GAS2L2: variants seen among roughly 807,000 people sequenced by gnomAD.
GAS2L2 encodes the protein GAS2-like protein 2.
In GAS2L2, 21 loss-of-function variants were observed where a neutral mutation model predicts 35.2. The ratio of observed to expected loss-of-function variants is 0.60; its 90% confidence interval spans 0.42 to 0.86. GAS2L2 has a LOEUF of 0.86. Ranked by LOEUF, GAS2L2 falls within the 40% of genes least tolerant of loss-of-function variation. GAS2L2 has a pLI of 0.00. For synonymous variants in GAS2L2, 490 were observed against 473.2 expected (o/e 1.04, Z -0.46); for missense variants, 1,169 against 1,144.4 (o/e 1.02, Z -0.31).
chr17:35,750,494 G>C (rs2085697532), intron 1 of GAS2L2, among the ~76,000 whole-genome samples, 176 bp from the exon 2 acceptor site: 1 of 152,154 alleles, frequency 6.6e-6, no homozygotes, highest in Non-Finnish European at 1.5e-5. Context: ...CCCCTAGGAG[G>C]GGTCTGGGCG....
chr17:35,745,274 A>G lies in GAS2L2; in HGVS notation c.2223T>C (p.Pro741=). The G allele has an allele frequency of 6.2e-7, 1 of 1,610,976 alleles. No homozygotes were observed. The highest frequency in any genetic ancestry group is 2.2e-5 in the East Asian group (1 of 44,792). ...TVSASPEAPT[P]SPLDPNSDKA... ...TGTCAGAGTTGGGGTCCAAGGGCGA[A>G]GGTGTGGGGGCCTCCGGGCTGGCAG... The change falls in exon 6 of 6, where the codon CCT becomes CCC. Residue 741 remains proline (P), a synonymous_variant. Coordinates refer to ENST00000604641, the MANE Select transcript of GAS2L2 (RefSeq NM_139285.4).
Position 35,747,856 on chromosome 17 carries a change from T to C in GAS2L2, c.825A>G (p.Thr275=). The C allele has an allele frequency of 1.9e-6, 3 of 1,613,674 alleles. No homozygotes were observed. Among genetic ancestry groups the C allele is most frequent in the East Asian group, 2.2e-5 (1 of 44,866 alleles). The part of the protein sequence containing the change: ...YLDKHDPCRC[T]SLSHKPGSFL... ...GGCCCTCAGGGGACTCACAGAGGGA[T>C]GTGCAGCGGCAGGGGTCATGTTTGT... Residue 275 remains threonine, a synonymous_variant, in exon 4 of 6, where the codon ACA becomes ACG. Transcript: ENST00000604641.
intron 4 of GAS2L2, among the ~76,000 whole-genome samples, chr17:35,747,560 G>A (rs921411247): frequency 1.3e-5 from 2 of 152,180 alleles, no homozygotes; most frequent in Non-Finnish European, 2.9e-5. Context: ...GACCCTCCAA[G>A]TCACACTTGG....
rs1555599590 is a variant in GAS2L2 at position 35,750,201 on chromosome 17, A to G, written c.503T>C (p.Leu168Pro). The change falls in exon 2 of 6, where the codon CTC (leucine) becomes CCC (proline). Residue 168 changes from leucine to proline, a missense_variant. Leu to Pro is a moderately conservative substitution (Grantham distance 98). Coordinates refer to ENST00000604641, the MANE Select transcript of GAS2L2 (RefSeq NM_139285.4). ...AWRFGVAAPTLVQLEEEIEEE... is the reference protein window; with the variant it reads ...AWRFGVAAPTPVQLEEEIEEE... ...CTCGATCTCCTCCTCCAGCTGCACGAGTGTGGGCGCCGCAACACCAAAGCG... is the reference window on the plus strand; with the variant it reads ...CTCGATCTCCTCCTCCAGCTGCACGGGTGTGGGCGCCGCAACACCAAAGCG... The G allele has an allele frequency of 6.2e-7, 1 of 1,613,462 alleles. No homozygotes were observed. Among genetic ancestry groups the G allele is most frequent in the East Asian group, 2.2e-5 (1 of 44,848 alleles).
At chr17:35,749,317 G>C (rs1772186727) in intron 2 of GAS2L2, 100 bp from the exon 3 acceptor site, 1 of 686,484 alleles carries the variant, frequency 1.5e-6, no homozygotes, top group Non-Finnish European at 2.5e-6. Flanking sequence ...TTCTGCTGAG[G>C]TCAGAGCTGG....
At position 35,746,201 on chromosome 17, in the gene GAS2L2, G is replaced by C. The variant is rs111357398; in HGVS notation, c.1296C>G (p.Ala432=). The C allele has an allele frequency of 6.7e-7, 1 of 1,481,518 alleles. No homozygotes were observed. The highest frequency in any genetic ancestry group is 2.3e-5 in the Admixed American group (1 of 42,730). 91.8% of individuals were successfully genotyped at this position (1,481,518 alleles called of 1,614,324 possible). A position where few individuals can be genotyped will look rare whatever the true frequency, so the allele number is the denominator to read the frequency against. ...HEETDSWGTD[A]GNPTPQRLRA... is the part of the protein sequence containing the mutation. ...GGAGTCTTTGTGGGGTGGGGTTCCC[G>C]GCGTCGGTTCCCCAGCTGTCTGTTT... Residue 432 remains alanine (A), a synonymous_variant, in exon 6 of 6, where the codon GCC becomes GCG. Transcript: ENST00000604641.
Position 35,745,689 on chromosome 17 carries a change from C to T in GAS2L2, c.1808G>A (p.Ser603Asn), listed in dbSNP as rs2085661294. The stretch of plus-strand genomic sequence containing the variant: ...GTTGCCCAAAATCTCCTCTTCAAGG[C>T]TACAGTAGATGGCTTGCTCCTTGTT... ...GGNKEQAIYC[S>N]LEEEILGNMK... Residue 603 changes from serine to asparagine, a missense_variant, in exon 6 of 6, where the codon AGC becomes AAC. By Grantham distance (46) the Ser-to-Asn change is conservative. Coordinates refer to ENST00000604641, the MANE Select transcript of GAS2L2 (RefSeq NM_139285.4). 2 of 1,613,998 alleles carry T rather than the reference C, an allele frequency of 1.2e-6. No individual in the cohort carries two copies. Among genetic ancestry groups the T allele is most frequent in the African/African-American group, 1.3e-5 (1 of 75,054 alleles).
chr17:35,748,009 G>T, intron 3 of GAS2L2, 64 bp from the exon 4 acceptor site: 1 of 1,254,108 alleles, frequency 8.0e-7, no homozygotes, highest in Non-Finnish European at 1.2e-6. Context: ...GGACCAGCTC[G>T]CGGGCTTCCG....
rs2085687275 is a variant in GAS2L2, at chr17:35,749,100, C to G, written c.735+10G>C. 6.3e-7 allele frequency: 1 copy of G among 1,595,010 alleles called. No homozygotes were observed. On this transcript the variant is annotated intron_variant, in intron 3 of 5. Coordinates refer to ENST00000604641, the MANE Select transcript of GAS2L2 (RefSeq NM_139285.4). ...TTCTGGGGGTCCCTTGACCCCCAGC[C>G]TGGACTTACCCGGATGAAGATGAGG...
At position 35,745,434 on chromosome 17, in the gene GAS2L2, C is replaced by T. The variant is rs2085658945; in HGVS notation, c.2063G>A (p.Gly688Glu). The change falls in exon 6 of 6, where the codon GGA (glycine) becomes GAA (glutamate). Residue 688 changes from glycine to glutamate, a missense_variant. This residue lies in a region of GAS2L2 where 1,035 missense variants were observed against 976.5 expected (regional missense o/e 1.06). Coordinates refer to ENST00000604641, the MANE Select transcript of GAS2L2 (RefSeq NM_139285.4). ...TGSPKPAVTP[G>E]PGSLKGKLGA... ...CAACTTCCCTTTGAGGCTTCCCGGT[C>T]CTGGGGTAACAGCTGGCTTAGGGGA... 3 of 1,576,274 alleles carry T rather than the reference C, an allele frequency of 1.9e-6. No homozygotes were observed. The highest frequency in any genetic ancestry group is 2.6e-6 in the Non-Finnish European group (3 of 1,160,216).
Position 35,747,196 on chromosome 17 carries a change from G to T in GAS2L2, c.905C>A (p.Pro302His). The T allele has an allele frequency of 1.2e-6, 2 of 1,614,038 alleles. No individual in the cohort carries two copies. Among genetic ancestry groups the T allele is most frequent in the South Asian group, 1.1e-5 (1 of 91,078 alleles). ...VQHEVRVQDG[P>H]SQTQPTMTIS... ...GGTCATTGTAGGCTGGGTCTGTGAG[G>T]GTCCATCCTGTACCCTTACTTCATG... The change falls in exon 5 of 6, where the codon CCC (proline) becomes CAC (histidine). Residue 302 changes from proline to histidine, a missense_variant. By Grantham distance (77) the Pro-to-His change is moderately conservative. This residue lies in a region of GAS2L2 where 1,035 missense variants were observed against 976.5 expected (regional missense o/e 1.06). Transcript: ENST00000604641.
intron 1 of GAS2L2, among the ~76,000 whole-genome samples, chr17:35,750,669 TG>T (rs2085698521): frequency 6.6e-6 from 1 of 152,082 alleles, no homozygotes; most frequent in Non-Finnish European, 1.5e-5. Context: ...TCAGCTTGCC[TG>T]GATGGGTCCA....
rs1555599255 is a variant in GAS2L2 at position 35,747,902 on chromosome 17, T to C, written c.779A>G (p.Asp260Gly). 2 of 1,613,784 alleles carry C rather than the reference T, an allele frequency of 1.2e-6. No individual in the cohort carries two copies. The highest frequency in any genetic ancestry group is 1.7e-6 in the Non-Finnish European group (2 of 1,179,892). Reference protein sequence around the residue: ...HVMVRVGGGWDTLGHYLDKHD... With the variant: ...HVMVRVGGGWGTLGHYLDKHD... Reference sequence around the variant, plus strand: ...TTTGTCCAGGTAATGGCCCAGTGTGTCCCAGCCGCCCCCTACACGTACCAT... The same window carrying C: ...TTTGTCCAGGTAATGGCCCAGTGTGCCCCAGCCGCCCCCTACACGTACCAT... Residue 260 changes from aspartate to glycine, a missense_variant, in exon 4 of 6, where the codon GAC (aspartate) becomes GGC (glycine). Asp to Gly is a moderately conservative substitution (Grantham distance 94). Transcript: ENST00000604641.
chr17:35,744,836 C>G lies in GAS2L2; in HGVS notation c.*18G>C. On this transcript the variant is annotated 3_prime_UTR_variant, in exon 6 of 6. Transcript: ENST00000604641. ...GCCATCCTTTTTGCTTCCCTCCTAC[C>G]CAACACGCTCATGTGCCTCAGACCC... The G allele has an allele frequency of 6.5e-7, 1 of 1,544,760 alleles. No individual in the cohort carries two copies. The highest frequency in any genetic ancestry group is 1.2e-5 in the South Asian group (1 of 83,280).
chr17:35,750,485 C>T (rs782308514), intron 1 of GAS2L2, among the ~76,000 whole-genome samples, 167 bp from the exon 2 acceptor site: 1 of 152,078 alleles, frequency 6.6e-6, no homozygotes, highest in South Asian at 2.1e-4. Flanking sequence ...CAAGTCAGCC[C>T]CCTAGGAGGG....
At chr17:35,749,081 G>A in intron 3 of GAS2L2, 29 bp downstream of exon 3, 1 of 1,435,924 alleles carries the variant, frequency 7.0e-7, no homozygotes, top group Non-Finnish European at 9.8e-7. Flanking sequence ...CCTATTCTGG[G>A]GGTCCCTTGA....
chr17:35,749,070 C>G, intron 3 of GAS2L2, 40 bp downstream of exon 3: 1 of 1,343,756 alleles, frequency 7.4e-7, no homozygotes, highest in Non-Finnish European at 1.1e-6. Context: ...GGGCAAGAAA[C>G]CCTATTCTGG....
In GAS2L2 at chr17:35,745,047, C is replaced by T; in HGVS notation, c.2450G>A (p.Arg817Lys). Residue 817 changes from arginine to lysine, a missense_variant, in exon 6 of 6, where the codon AGA becomes AAA. Around this residue, in one of 3 missense-constraint regions of GAS2L2, gnomAD observed 1,035 missense variants for 976.5 expected, o/e 1.06. Coordinates refer to ENST00000604641, the MANE Select transcript of GAS2L2 (RefSeq NM_139285.4). ...CCCTCCCTTGCTGCCCAGCACAGCT[C>T]TCAACAGCCTGTCCTTGGGGGGCTG... The part of the protein sequence containing the change: ...ARQPPKDRLL[R>K]AVLGSKGGEA... The T allele has an allele frequency of 1.2e-6, 2 of 1,613,986 alleles. No individual in the cohort carries two copies. The highest frequency in any genetic ancestry group is 1.7e-6 in the Non-Finnish European group (2 of 1,180,016).
rs1555599897 is a variant in GAS2L2, at chr17:35,752,473, GC to G, written c.377del (p.Gly126AlafsTer6). On this transcript the variant is annotated frameshift_variant, in exon 1 of 6. Coordinates refer to ENST00000604641, the MANE Select transcript of GAS2L2 (RefSeq NM_139285.4). LOFTEE classifies it high-confidence loss of function. ...NFIQWCRKEM[G>X]IQEVLMFETE... ...AGGGTGCAGCGTGGTTACCTTGGAT[GC>G]CCATCTCCTTTCGACACCACTGGAT... The G allele has an allele frequency of 6.3e-7, 1 of 1,578,994 alleles. No homozygotes were observed. The highest frequency in any genetic ancestry group is 1.7e-5 in the Admixed American group (1 of 58,336).
Sources: allele counts gnomAD v4.1 joint callset (sites outside exome capture counted in the v4.1 genomes callset), GRCh38; gene constraint gnomAD v4.1.1; regional missense constraint gnomAD v4.1.1; transcripts MANE v1.5; gene names NCBI Gene and HGNC (gene_info 2026-07-23, HGNC 2026-07-21).